PREX2: variants seen among roughly 807,000 people sequenced by gnomAD.
PREX2 encodes the protein phosphatidylinositol 3,4,5-trisphosphate-dependent Rac exchanger 2 protein.
PREX2 carries 107 observed loss-of-function variants against 203.2 expected under a neutral mutation model. That is an observed-to-expected ratio of 0.53 (90% confidence interval 0.45 to 0.62). The LOEUF is 0.62. Among genes scored for constraint, PREX2 ranks in the 20% least tolerant of loss-of-function variants. The pLI is 0.00. For synonymous variants in PREX2, 672 were observed against 663.6 expected (o/e 1.01, Z -0.19); for missense variants, 1,777 against 1,955.9 (o/e 0.91, Z 1.72).
At chr8:68,009,699 C>G (rs946640917) in intron 1 of PREX2, among the ~76,000 whole-genome samples, 1 of 152,086 alleles carries the variant, frequency 6.6e-6, no homozygotes, top group Non-Finnish European at 1.5e-5. Flanking sequence ...AAGTTTATTT[C>G]CATCTGACAT....
intron 1 of PREX2, among the ~76,000 whole-genome samples, chr8:67,981,132 A>G (rs753812902): frequency 1.3e-5 from 2 of 152,230 alleles, no homozygotes. Context: ...ACAGTGTCCT[A>G]TAGTTCACAG....
At chr8:68,017,788 C>G (rs1051654166) in intron 1 of PREX2, 58 bp from the exon 2 acceptor site, 8 of 1,380,264 alleles carry the variant, frequency 5.8e-6, no homozygotes, top group Non-Finnish European at 8.2e-6. Flanking sequence ...TTCTACTCAA[C>G]ACCCAGTCAT....
At chr8:67,954,495 A>ATATG (rs1805438003) in intron 1 of PREX2, among the ~76,000 whole-genome samples, 1 of 152,204 alleles carries the variant, frequency 6.6e-6, no homozygotes, top group South Asian at 2.1e-4. Context: ...GACTATGCTA[A>ATATG]TATGTACCAA....
intron 35 of PREX2, among the ~76,000 whole-genome samples, chr8:68,166,284 G>C (rs896052793): frequency 6.6e-6 from 1 of 152,232 alleles, no homozygotes; most frequent in African/African-American, 2.4e-5. Context: ...GAATGTTTGT[G>C]CTGGTACCAA....
intron 1 of PREX2, among the ~76,000 whole-genome samples, chr8:67,990,658 C>T (rs916584857): frequency 6.6e-5 from 10 of 151,830 alleles, no homozygotes; most frequent in African/African-American, 9.7e-5. Context: ...TACAGGTGCC[C>T]GCCACCATGC....
intron 6 of PREX2, 67 bp from the exon 7 acceptor site, chr8:68,038,092 G>C: frequency 1.3e-6 from 2 of 1,518,320 alleles, no homozygotes; most frequent in Non-Finnish European, 1.8e-6. Context: ...ATTGTAAGTC[G>C]AAAAATAATT....
chr8:67,975,272 G>GTTTTTTTTTTTTTTTTTT (rs75276095), intron 1 of PREX2, among the ~76,000 whole-genome samples: 1 of 96,822 alleles, frequency 1.0e-5, no homozygotes. Flanking sequence ...CACACGGCCT[G>GTTTTTTTTTTTTTTTTTT]TTTTTTTTTT....
chr8:68,186,680 A>C (rs2129614539), intron 35 of PREX2, among the ~76,000 whole-genome samples: 1 of 151,914 alleles, frequency 6.6e-6, no homozygotes, highest in South Asian at 2.1e-4. Context: ...CGCCTAGCTA[A>C]TTTTCGTATT....
At chr8:68,229,680 C>T (rs778979148) in intron 39 of PREX2, among the ~76,000 whole-genome samples, 3 of 152,108 alleles carry the variant, frequency 2.0e-5, no homozygotes, top group Non-Finnish European at 4.4e-5. Context: ...TATGTGGAAA[C>T]GTGCTGAGCA....
chr8:68,205,466 G>A (rs916534940), intron 37 of PREX2, among the ~76,000 whole-genome samples: 16 of 152,178 alleles, frequency 1.1e-4, no homozygotes, highest in African/African-American at 3.9e-4. Context: ...TGAATAAGGT[G>A]GGAAAGTCAA....
intron 37 of PREX2, among the ~76,000 whole-genome samples, chr8:68,199,331 C>CTT (rs1365601379): frequency 1.3e-5 from 2 of 152,184 alleles, no homozygotes; most frequent in African/African-American, 4.8e-5. Context: ...TAGAAGTTAG[C>CTT]TTTAACATAT....
Position 68,176,172 on chromosome 8 carries a change from A to G in PREX2, c.4347-15550A>G, listed in dbSNP as rs916667391. On this transcript the variant is annotated intron_variant, in intron 35 of 39. Coordinates refer to ENST00000288368, the MANE Select transcript of PREX2 (RefSeq NM_024870.4). ...TGAGATACCAGTGAACTCAGATGTA[A>G]AATTAGATGCATTCAGAAAACACAA... Among the ~76,000 whole-genome samples the G allele has an allele frequency of 2.6e-4, 39 of 152,196 alleles. 1 individual carries two copies. Among genetic ancestry groups the G allele is most frequent in the Admixed American group, 2.2e-3 (34 of 15,268 alleles).
chr8:68,122,305 G>A (rs577677738), intron 30 of PREX2, among the ~76,000 whole-genome samples: 72 of 152,042 alleles, frequency 4.7e-4, no homozygotes, highest in African/African-American at 1.6e-3. Flanking sequence ...TCTATCTTGC[G>A]ATAAAATCGT....
At chr8:68,022,348 T>C (rs1183314963) in intron 4 of PREX2, among the ~76,000 whole-genome samples, 1 of 152,074 alleles carries the variant, frequency 6.6e-6, no homozygotes, top group Non-Finnish European at 1.5e-5. Flanking sequence ...CCCCTCGTGG[T>C]TGATTATGAA....
intron 35 of PREX2, among the ~76,000 whole-genome samples, chr8:68,178,160 C>A (rs1194871918): frequency 6.6e-6 from 1 of 152,128 alleles, no homozygotes; most frequent in Admixed American, 6.6e-5. Flanking sequence ...ATTGCTGGGT[C>A]AAATGGTATT....
At chr8:68,138,784 A>G (rs773416525) in intron 33 of PREX2, among the ~76,000 whole-genome samples, 49 of 152,172 alleles carry the variant, frequency 3.2e-4, no homozygotes, top group Non-Finnish European at 3.2e-4. Flanking sequence ...TCCCATAAAT[A>G]TAGTTAAAAT....
intron 1 of PREX2, among the ~76,000 whole-genome samples, chr8:67,980,207 G>A (rs1391384125): frequency 8.5e-5 from 13 of 152,212 alleles, no homozygotes; most frequent in African/African-American, 2.9e-4. Flanking sequence ...CTTAGGGCAT[G>A]TTGGGTAAAG....
At chr8:68,094,900 A>T (rs531660939) in intron 21 of PREX2, 73 of 152,362 alleles carry the variant, frequency 4.8e-4, no homozygotes, top group African/African-American at 1.7e-3. Context: ...TGTATTTCTG[A>T]CCAACTGGCT....
chr8:68,152,922 T>C (rs890843039), intron 34 of PREX2, among the ~76,000 whole-genome samples: 4 of 152,212 alleles, frequency 2.6e-5, no homozygotes, highest in African/African-American at 9.6e-5. Flanking sequence ...TTTCCTGTGG[T>C]GTCTCTGAGG....
Sources: gnomAD v4.1 joint callset for allele counts (sites outside exome capture counted in the v4.1 genomes callset) on GRCh38, gnomAD v4.1.1 for gene constraint, MANE v1.5 for transcripts, NCBI Gene and HGNC (gene_info 2026-07-23, HGNC 2026-07-21) for gene names.